The following EEPD1 variants were observed in gnomAD, a reference collection of about 807,000 sequenced individuals.
EEPD1 encodes the protein endonuclease/exonuclease/phosphatase family domain-containing protein 1.
EEPD1 carries 17 observed loss-of-function variants against 46.3 expected under a neutral mutation model. The observed-to-expected ratio is 0.37, with a 90% CI of 0.25 to 0.55. EEPD1 has a LOEUF of 0.55. Ranked by LOEUF, EEPD1 falls within the 20% of genes least tolerant of loss-of-function variation. EEPD1 has a pLI of 0.83. For synonymous variants in EEPD1, 313 were observed against 315.6 expected (o/e 0.99, Z 0.09); for missense variants, 673 against 745.6 (o/e 0.90, Z 1.13).
At chr7:36,156,909 C>G (rs1469012364) in intron 2 of EEPD1, among the ~76,000 whole-genome samples, 3 of 152,128 alleles carry the variant, frequency 2.0e-5, no homozygotes, top group African/African-American at 2.4e-5. Flanking sequence ...CTTTCCAGGT[C>G]TAGTCGGCCC....
chr7:36,295,631 G>A (rs2115901954), intron 6 of EEPD1, among the ~76,000 whole-genome samples: 1 of 152,304 alleles, frequency 6.6e-6, no homozygotes, highest in Middle Eastern at 3.4e-3. Flanking sequence ...TCCTTAGGTT[G>A]CTGGGGAGGG....
Position 36,224,834 on chromosome 7 carries a change from GA to G in EEPD1, c.879-14140del, listed in dbSNP as rs57802486. On this transcript the variant is annotated intron_variant, in intron 2 of 7. Coordinates refer to ENST00000242108, the MANE Select transcript of EEPD1 (RefSeq NM_030636.3). ...GCACTTGTGAATGTTACCTCACATGGAAAAAAAAAAAGTTTTGCAGATTTGA... is the reference window on the plus strand; with the variant it reads ...GCACTTGTGAATGTTACCTCACATGGAAAAAAAAAAGTTTTGCAGATTTGA... Among the ~76,000 whole-genome samples the G allele has an allele frequency of 6.8e-3, 994 of 146,222 alleles. 7 individuals carry two copies. Among genetic ancestry groups the G allele is most frequent in the African/African-American group, 0.023 (921 of 39,988 alleles).
At chr7:36,214,615 G>T (rs1007794953) in intron 2 of EEPD1, among the ~76,000 whole-genome samples, 4 of 152,236 alleles carry the variant, frequency 2.6e-5, no homozygotes, top group African/African-American at 9.6e-5. Context: ...ACCTCAGAGA[G>T]ACTTAAGTAG....
chr7:36,216,934 T>C lies in EEPD1; in HGVS notation c.879-22051T>C, dbSNP rs902435472. Among the ~76,000 whole-genome samples, 3 of 152,252 alleles carry C rather than the reference T, an allele frequency of 2.0e-5. No individual in the cohort carries two copies. In the East Asian group the frequency reaches 5.8e-4, roughly 29 times the overall value. On this transcript the variant is annotated intron_variant, in intron 2 of 7. Transcript: ENST00000242108. The stretch of plus-strand genomic sequence containing the variant: ...TGGTAATTCCTAGGTAGCAGAATTA[T>C]AGCTGATGTTTCCTTTACTTTTTTC...
At chr7:36,249,417 T>C (rs1178503204) in intron 3 of EEPD1, among the ~76,000 whole-genome samples, 1 of 152,176 alleles carries the variant, frequency 6.6e-6, no homozygotes, top group Non-Finnish European at 1.5e-5. Context: ...TTCCTGGGAC[T>C]GTATCTTAAG....
Position 36,287,669 on chromosome 7 carries a change from C to A in EEPD1, c.1207C>A (p.Leu403Ile). 6.2e-7 allele frequency: 1 copy of A among 1,614,096 alleles called. No individual in the cohort carries two copies. Among genetic ancestry groups the A allele is most frequent in the Admixed American group, 1.7e-5 (1 of 60,014 alleles). Residue 403 changes from leucine (L) to isoleucine (I), a missense_variant, in exon 6 of 8, where the codon CTT becomes ATT. Coordinates refer to ENST00000242108, the MANE Select transcript of EEPD1 (RefSeq NM_030636.3). ...AAGTCACGACCTGACCCTTGTTAAC[C>A]TTCACCTGGCAGCCCTGACCCTCCT... ...VGSHDLTLVN[L>I]HLAALTLLGS...
chr7:36,257,495 A>G (rs1283687992), intron 3 of EEPD1, among the ~76,000 whole-genome samples: 1 of 151,978 alleles, frequency 6.6e-6, no homozygotes, highest in East Asian at 1.9e-4. Flanking sequence ...ACATAGTCCC[A>G]TATTTCTTGG....
At chr7:36,266,462 C>T (rs1480892431) in intron 3 of EEPD1, among the ~76,000 whole-genome samples, 1 of 152,188 alleles carries the variant, frequency 6.6e-6, no homozygotes, top group East Asian at 1.9e-4. Flanking sequence ...TAGCCTAGAG[C>T]AGCATCCTTT....
At chr7:36,166,501 A>G (rs1057142342) in intron 2 of EEPD1, among the ~76,000 whole-genome samples, 4 of 152,174 alleles carry the variant, frequency 2.6e-5, no homozygotes, top group Non-Finnish European at 4.4e-5. Context: ...TGGAAGGATC[A>G]CTTGAGCTTG....
intron 5 of EEPD1, among the ~76,000 whole-genome samples, chr7:36,286,096 C>T (rs2115880814): frequency 6.6e-6 from 1 of 152,258 alleles, no homozygotes; most frequent in East Asian, 1.9e-4. Context: ...GGGGTTATGG[C>T]CATGTAACCC....
intron 2 of EEPD1, among the ~76,000 whole-genome samples, chr7:36,199,341 A>T (rs1785671794): frequency 6.6e-6 from 1 of 152,100 alleles, no homozygotes; most frequent in Admixed American, 6.5e-5. Flanking sequence ...TTAAATTTTC[A>T]TTATGGAAAG....
At chr7:36,260,020 T>C (rs755860341) in intron 3 of EEPD1, among the ~76,000 whole-genome samples, 5 of 152,236 alleles carry the variant, frequency 3.3e-5, no homozygotes, top group Non-Finnish European at 7.3e-5. Flanking sequence ...TTTTTACCTA[T>C]ATTAGATTTC....
chr7:36,248,605 C>T (rs1454304058), intron 3 of EEPD1, among the ~76,000 whole-genome samples: 1 of 151,324 alleles, frequency 6.6e-6, no homozygotes, highest in African/African-American at 2.4e-5. Context: ...TTTTCCCCCA[C>T]CCCCGCCACA....
intron 2 of EEPD1, among the ~76,000 whole-genome samples, chr7:36,172,952 G>A (rs1785114031): frequency 6.6e-6 from 1 of 151,588 alleles, no homozygotes; most frequent in Non-Finnish European, 1.5e-5. Flanking sequence ...CCCCAAGTGG[G>A]TGGGGTCTGG....
chr7:36,183,347 G>A (rs1031208652), intron 2 of EEPD1, among the ~76,000 whole-genome samples: 4 of 152,188 alleles, frequency 2.6e-5, no homozygotes, highest in Non-Finnish European at 5.9e-5. Context: ...TCTTTCTGCT[G>A]AAACGTGGTC....
chr7:36,270,478 C>T (rs1787085918), intron 3 of EEPD1, among the ~76,000 whole-genome samples: 1 of 152,110 alleles, frequency 6.6e-6, no homozygotes. Flanking sequence ...CCCAACAGGC[C>T]CCAGTGTGTG....
chr7:36,162,929 G>C (rs1784923550), intron 2 of EEPD1, among the ~76,000 whole-genome samples: 1 of 152,140 alleles, frequency 6.6e-6, no homozygotes, highest in Non-Finnish European at 1.5e-5. Context: ...CTGAAGTCTT[G>C]TTTGCTCACC....
intron 2 of EEPD1, among the ~76,000 whole-genome samples, chr7:36,191,171 G>A (rs940044267): frequency 6.6e-6 from 1 of 152,218 alleles, no homozygotes; most frequent in African/African-American, 2.4e-5. Flanking sequence ...AGAAGTCCTG[G>A]TTTGTGCCAA....
chr7:36,267,446 C>T (rs1195860500), intron 3 of EEPD1, among the ~76,000 whole-genome samples: 1 of 152,134 alleles, frequency 6.6e-6, no homozygotes, highest in East Asian at 1.9e-4. Context: ...CACCACAGGC[C>T]CTTTGCACAT....
Sources: gnomAD v4.1 joint callset for allele counts (sites outside exome capture counted in the v4.1 genomes callset) on GRCh38, gnomAD v4.1.1 for gene constraint, MANE v1.5 for transcripts, NCBI Gene and HGNC (gene_info 2026-07-23, HGNC 2026-07-21) for gene names.